Variants in RABGAP1L observed in about 807,000 individuals in gnomAD.
The protein encoded by RABGAP1L is RAB GTPase activating protein 1 like.
In RABGAP1L, 63 loss-of-function variants were observed where a neutral mutation model predicts 137.7. The observed-to-expected ratio is 0.46, with a 90% CI of 0.37 to 0.56. The LOEUF (loss-of-function observed/expected upper bound fraction) is 0.56. Among genes scored for constraint, RABGAP1L ranks in the 20% least tolerant of loss-of-function variants. RABGAP1L has a pLI of 0.00. For synonymous variants in RABGAP1L, 431 were observed against 433.7 expected (o/e 0.99, Z 0.08); for missense variants, 1,095 against 1,244.0 (o/e 0.88, Z 1.80).
chr1:174,827,017 A>G lies in RABGAP1L; in HGVS notation c.2340+15057A>G, dbSNP rs1348040671. Among the ~76,000 whole-genome samples, 2 of 152,202 alleles carry G rather than the reference A, an allele frequency of 1.3e-5. 1 individual carries two copies. The highest frequency in any genetic ancestry group is 2.9e-5 in the Non-Finnish European group (2 of 68,034). ...AGAAGTCCAAGATCAAGATGTTGGC[A>G]GGGTTGATTTCTTTTGAGGCCTCTC... On this transcript the variant is annotated intron_variant, in intron 19 of 25. Coordinates refer to ENST00000681986, the MANE Select transcript of RABGAP1L (RefSeq NM_001366446.1).
chr1:174,188,578 T>G (rs1460335863), intron 1 of RABGAP1L, among the ~76,000 whole-genome samples: 1 of 152,220 alleles, frequency 6.6e-6, no homozygotes, highest in African/African-American at 2.4e-5. Flanking sequence ...TTTTATGGAT[T>G]TGTTAATCCA....
At chr1:174,349,677 C>A (rs1172660465) in intron 11 of RABGAP1L, among the ~76,000 whole-genome samples, 3 of 123,462 alleles carry the variant, frequency 2.4e-5, no homozygotes, top group Non-Finnish European at 3.4e-5. Flanking sequence ...GCTGGCCGGG[C>A]GTGGGGCTGA....
chr1:174,656,116 A>G (rs1675949981), intron 14 of RABGAP1L, among the ~76,000 whole-genome samples: 2 of 151,446 alleles, frequency 1.3e-5, no homozygotes, highest in African/African-American at 4.9e-5. Flanking sequence ...ATTTATGCCC[A>G]TTTTTTTTTA....
chr1:174,465,208 C>T (rs890923139), intron 13 of RABGAP1L, among the ~76,000 whole-genome samples: 3 of 151,998 alleles, frequency 2.0e-5, no homozygotes, highest in African/African-American at 4.8e-5. Flanking sequence ...ATTTATTGAG[C>T]ATTTTTTTTG....
At chr1:174,232,305 C>G (rs547578204) in intron 4 of RABGAP1L, among the ~76,000 whole-genome samples, 1 of 151,652 alleles carries the variant, frequency 6.6e-6, no homozygotes, top group Non-Finnish European at 1.5e-5. Flanking sequence ...GTCAGGAGTT[C>G]GAAACCAGCC....
chr1:174,271,443 T>C (rs1674551366), intron 7 of RABGAP1L, among the ~76,000 whole-genome samples: 1 of 152,166 alleles, frequency 6.6e-6, no homozygotes, highest in Admixed American at 6.5e-5. Context: ...AATATAGTTA[T>C]ATTCTTTACC....
chr1:174,560,876 T>C (rs1197617413), intron 13 of RABGAP1L, among the ~76,000 whole-genome samples: 1 of 152,214 alleles, frequency 6.6e-6, no homozygotes, highest in Non-Finnish European at 1.5e-5. Context: ...TGCATCCATG[T>C]TGCTTCAAAA....
At chr1:174,622,835 C>T (rs1188045114) in intron 13 of RABGAP1L, among the ~76,000 whole-genome samples, 1 of 152,116 alleles carries the variant, frequency 6.6e-6, no homozygotes, top group East Asian at 1.9e-4. Context: ...GCACATGTAC[C>T]CTAAAACTTA....
chr1:174,922,447 G>A (rs1047717646), intron 19 of RABGAP1L: 4 of 160,250 alleles, frequency 2.5e-5, no homozygotes, highest in Non-Finnish European at 5.6e-5. Context: ...CATCTTGGAA[G>A]CAAGGACTGA....
At chr1:174,494,714 T>C (rs71645203) in intron 13 of RABGAP1L, among the ~76,000 whole-genome samples, 3 of 152,210 alleles carry the variant, frequency 2.0e-5, no homozygotes, top group African/African-American at 7.2e-5. Flanking sequence ...CATCTTCTTA[T>C]ACATATTTGC....
At chr1:174,700,537 C>T (rs998890486) in intron 16 of RABGAP1L, 9 of 152,344 alleles carry the variant, frequency 5.9e-5, no homozygotes, top group African/African-American at 2.2e-4. Flanking sequence ...GGAAGTGAAG[C>T]CAGTAGGAGA....
chr1:174,964,833 G>T, intron 20 of RABGAP1L: 1 of 1,405,498 alleles, frequency 7.1e-7, no homozygotes, highest in Non-Finnish European at 9.2e-7. Flanking sequence ...GACACTCAAA[G>T]GAAAAGCAAA....
intron 13 of RABGAP1L, among the ~76,000 whole-genome samples, chr1:174,511,848 A>T (rs928269685): frequency 1.3e-5 from 2 of 151,944 alleles, no homozygotes; most frequent in Non-Finnish European, 2.9e-5. Context: ...CGAACTCCTG[A>T]CCTCAGGTGA....
chr1:174,167,812 G>GT (rs1412565682), intron 1 of RABGAP1L, among the ~76,000 whole-genome samples: 1 of 152,000 alleles, frequency 6.6e-6, no homozygotes, highest in African/African-American at 2.4e-5. Context: ...CATATCACTA[G>GT]TTTTTTTTAT....
chr1:174,349,638 A>ACC (rs1365666356), intron 11 of RABGAP1L, among the ~76,000 whole-genome samples: 9 of 96,136 alleles, frequency 9.4e-5, no homozygotes, highest in East Asian at 3.8e-4. Flanking sequence ...TGGGGGGCTG[A>ACC]CCCCCCCACC....
At chr1:174,989,618 A>G (rs892578728) in intron 25 of RABGAP1L, among the ~76,000 whole-genome samples, 1 of 152,222 alleles carries the variant, frequency 6.6e-6, no homozygotes, top group African/African-American at 2.4e-5. Flanking sequence ...AAAGAATAAA[A>G]TGAGCTTTTC....
intron 1 of RABGAP1L, among the ~76,000 whole-genome samples, chr1:174,165,599 AAC>A (rs1007859595): frequency 1.3e-4 from 19 of 151,668 alleles, no homozygotes; most frequent in African/African-American, 4.1e-4. Flanking sequence ...CCTGGCCTCT[AAC>A]AGTTCTTCTG....
Position 174,878,797 on chromosome 1 carries a change from C to T in RABGAP1L, c.2340+66837C>T, listed in dbSNP as rs924991910. Among the ~76,000 whole-genome samples, 5 of 151,622 alleles carry T rather than the reference C, an allele frequency of 3.3e-5. 1 individual carries two copies. The highest frequency in any genetic ancestry group is 4.8e-5 in the African/African-American group (2 of 41,246). Reference sequence around the variant, plus strand: ...ATATCAACCAGATGCAATAAATCAACGTTGTTTAAATGCTAATTTGAACAA... The same window carrying T: ...ATATCAACCAGATGCAATAAATCAATGTTGTTTAAATGCTAATTTGAACAA... On this transcript the variant is annotated intron_variant, in intron 19 of 25. Coordinates refer to ENST00000681986, the MANE Select transcript of RABGAP1L (RefSeq NM_001366446.1).
chr1:174,601,447 G>T (rs1670403696), intron 13 of RABGAP1L, among the ~76,000 whole-genome samples: 1 of 152,008 alleles, frequency 6.6e-6, no homozygotes, highest in African/African-American at 2.4e-5. Flanking sequence ...ATTGAACAAT[G>T]AAAACACTTG....
Sources: gnomAD v4.1 joint callset for allele counts (sites outside exome capture counted in the v4.1 genomes callset) on GRCh38, gnomAD v4.1.1 for gene constraint, MANE v1.5 for transcripts, NCBI Gene and HGNC (gene_info 2026-07-23, HGNC 2026-07-21) for gene names.